MMP24: variants seen among roughly 807,000 people sequenced by gnomAD.
The protein encoded by MMP24 is matrix metalloproteinase-24.
Under a neutral mutation model 62.8 loss-of-function variants are expected in MMP24, and 25 were observed. The ratio of observed to expected loss-of-function variants is 0.40; its 90% CI spans 0.29 to 0.56. The LOEUF (loss-of-function observed/expected upper bound fraction) is 0.56, where lower values mean the gene tolerates loss of function less well. Among genes scored for constraint, MMP24 ranks in the 20% least tolerant of loss-of-function variants. The pLI is 0.50. For missense variants in MMP24, 634 were observed against 853.6 expected (o/e 0.74, Z 3.21); for synonymous variants, 319 against 350.5 (o/e 0.91, Z 1.00).
intron 4 of MMP24, chr20:35,255,931 G>GA (rs1202366708): frequency 1.3e-5 from 2 of 152,164 alleles, no homozygotes. Flanking sequence ...TCTAGCAGGG[G>GA]AGTTAGGTGT....
In MMP24 at chr20:35,236,843, G is replaced by A. The variant is rs188869054; in HGVS notation, c.246+9859G>A. Among the ~76,000 whole-genome samples, 86 of 151,956 alleles carry A rather than the reference G, an allele frequency of 5.7e-4. 1 individual carries two copies. Among genetic ancestry groups the A allele is most frequent in the African/African-American group, 1.8e-3 (74 of 41,456 alleles). On this transcript the variant is annotated intron_variant, in intron 1 of 8. Transcript: ENST00000246186. ...ACAAAAATTAGCCGGGCATGGTGGC[G>A]TGCACCTGTAATTCCAACTACTCGG...
At chr20:35,272,880 AAAG>A (rs1356608063) in intron 8 of MMP24, among the ~76,000 whole-genome samples, 1 of 152,224 alleles carries the variant, frequency 6.6e-6, no homozygotes. Context: ...TGTGAGGATT[AAAG>A]AAGACAAATT....
At chr20:35,257,026 C>T (rs2060578447) in intron 4 of MMP24, among the ~76,000 whole-genome samples, 1 of 152,120 alleles carries the variant, frequency 6.6e-6, no homozygotes, top group African/African-American at 2.4e-5. Context: ...TTTTTTCCTG[C>T]CCTGCGGCTG....
chr20:35,231,500 T>G (rs2060437227), intron 1 of MMP24, among the ~76,000 whole-genome samples: 1 of 152,244 alleles, frequency 6.6e-6, no homozygotes, highest in Admixed American at 6.5e-5. Flanking sequence ...TTACATAAGC[T>G]GGATCTAGTC....
chr20:35,267,314 G>C lies in MMP24; in HGVS notation c.1089G>C (p.Arg363=). The change falls in exon 6 of 9, where the codon CGG becomes CGC. Residue 363 remains arginine (R), a synonymous_variant. Transcript: ENST00000246186. The stretch of plus-strand genomic sequence containing the variant: ...ACGAGCGCCAGCCCAGGCCCCCTCG[G>C]CCGCCCCTCGGGGACCGGCCATCCA... ...RKHERQPRPP[R]PPLGDRPSTP... is the part of the protein sequence containing the mutation. 1.9e-6 allele frequency: 3 copies of C among 1,593,650 alleles called. No individual in the cohort carries two copies. Among genetic ancestry groups the C allele is most frequent in the Non-Finnish European group, 2.6e-6 (3 of 1,170,934 alleles).
At chr20:35,270,211 C>T (rs550765743) in intron 7 of MMP24, among the ~76,000 whole-genome samples, 1 of 152,160 alleles carries the variant, frequency 6.6e-6, no homozygotes, top group African/African-American at 2.4e-5. Flanking sequence ...GTCACTCAAG[C>T]TGGGGAGGTC....
chr20:35,264,707 C>CAAAAAAAA (rs57309455), intron 5 of MMP24, among the ~76,000 whole-genome samples: 408 of 43,606 alleles, frequency 9.4e-3, no homozygotes, highest in Non-Finnish European at 0.012. Flanking sequence ...GACTCCGTCT[C>CAAAAAAAA]AAAAAAAAAA....
intron 8 of MMP24, chr20:35,272,065 T>C (rs554091526): frequency 1.9e-4 from 115 of 592,022 alleles, no homozygotes; most frequent in Non-Finnish European, 3.0e-4. Context: ...GACGTTGTCA[T>C]AGACTGACTT....
chr20:35,244,294 C>T (rs1274340406), intron 1 of MMP24, among the ~76,000 whole-genome samples: 1 of 152,076 alleles, frequency 6.6e-6, no homozygotes. Flanking sequence ...TATCTAGATT[C>T]GAGCCCAGCA....
At chr20:35,252,467 CCATGGCTTAATTCAGTCTCCTTAT>C (rs1248990974) in intron 3 of MMP24, among the ~76,000 whole-genome samples, 4 of 152,158 alleles carry the variant, frequency 2.6e-5, no homozygotes, top group Non-Finnish European at 4.4e-5. Context: ...ACAAACAAAA[CCATGGCTTAATTCAGTCTCCTTAT>C]CACTGCCTGC....
chr20:35,266,789 G>A (rs368139652), intron 5 of MMP24, among the ~76,000 whole-genome samples: 3 of 152,264 alleles, frequency 2.0e-5, no homozygotes, highest in African/African-American at 7.2e-5. Flanking sequence ...TAAAGTCTGA[G>A]TCAAGTAACC....
chr20:35,276,331 G>T lies in MMP24; in HGVS notation c.*1722G>T. 1 of 399,066 alleles carries T rather than the reference G, an allele frequency of 2.5e-6. No individual in the cohort carries two copies. Among genetic ancestry groups the T allele is most frequent in the South Asian group, 1.3e-4 (1 of 7,828 alleles). 24.7% of individuals were successfully genotyped at this position (399,066 alleles called of 1,614,324 possible). A position where few individuals can be genotyped will look rare whatever the true frequency, so the allele number is the denominator to read the frequency against. ...AGGGAACAACTGCGGAGATATTAGTGATTCATAGGTTTGTACAGTGTTTTA... is the reference window on the plus strand; with the variant it reads ...AGGGAACAACTGCGGAGATATTAGTTATTCATAGGTTTGTACAGTGTTTTA... On this transcript the variant is annotated 3_prime_UTR_variant, in exon 9 of 9. Transcript: ENST00000246186.
chr20:35,238,986 GC>G, intron 1 of MMP24, among the ~76,000 whole-genome samples: 1 of 151,702 alleles, frequency 6.6e-6, no homozygotes, highest in Non-Finnish European at 1.5e-5. Flanking sequence ...GGATCTTCCT[GC>G]CACAGTCTCC....
intron 1 of MMP24, among the ~76,000 whole-genome samples, chr20:35,227,697 G>A (rs2060420794): frequency 6.6e-6 from 1 of 152,184 alleles, no homozygotes; most frequent in Admixed American, 6.5e-5. Context: ...AATAATGCCA[G>A]CTAGCATTTA....
chr20:35,250,961 C>A (rs1345551807), intron 2 of MMP24, among the ~76,000 whole-genome samples: 1 of 152,142 alleles, frequency 6.6e-6, no homozygotes, highest in African/African-American at 2.4e-5. Context: ...CACTGGGCTA[C>A]CTTCTTTTGA....
At chr20:35,254,167 C>T (rs2060563193) in intron 3 of MMP24, among the ~76,000 whole-genome samples, 1 of 152,194 alleles carries the variant, frequency 6.6e-6, no homozygotes, top group Non-Finnish European at 1.5e-5. Flanking sequence ...CTGCGCCCAG[C>T]CCCAATTTAC....
chr20:35,226,828 G>A lies in MMP24; in HGVS notation c.90G>A (p.Arg30=). The change falls in exon 1 of 9, where the codon CGG becomes CGA. Residue 30 remains arginine (R), a synonymous_variant. Coordinates refer to ENST00000246186, the MANE Select transcript of MMP24 (RefSeq NM_006690.4). ...AGGCCCCGCGCTGGAGCCGCTGGCG[G>A]GTCCCTGGGCGGCTGCTGCTGCTGC... The part of the protein sequence containing the change: ...PGQAPRWSRW[R]VPGRLLLLLL... 1.1e-6 allele frequency: 1 copy of A among 913,086 alleles called. No individual in the cohort carries two copies. The highest frequency in any genetic ancestry group is 1.3e-6 in the Non-Finnish European group (1 of 798,546). The allele number at this position is 913,086 out of a possible 1,614,324, so 56.6% of individuals were successfully genotyped here.
intron 1 of MMP24, among the ~76,000 whole-genome samples, chr20:35,240,173 C>A (rs2060482893): frequency 6.6e-6 from 1 of 152,132 alleles, no homozygotes; most frequent in African/African-American, 2.4e-5. Flanking sequence ...CTGCTGTCTC[C>A]CGCTCTCTTC....
Position 35,226,813 on chromosome 20 carries a change from C to G in MMP24, c.75C>G (p.Arg25=), listed in dbSNP as rs987006058. The change falls in exon 1 of 9, where the codon CGC becomes CGG. Residue 25 remains arginine, a synonymous_variant. Coordinates refer to ENST00000246186, the MANE Select transcript of MMP24 (RefSeq NM_006690.4). ...CGCCGCCGCCGGGCCAGGCCCCGCG[C>G]TGGAGCCGCTGGCGGGTCCCTGGGC... ...PPPPPPGQAP[R]WSRWRVPGRL... is the part of the protein sequence containing the mutation. 64 of 855,038 alleles carry G rather than the reference C, an allele frequency of 7.5e-5. No homozygotes were observed. Among genetic ancestry groups the G allele is most frequent in the Non-Finnish European group, 8.3e-5 (64 of 770,800 alleles). 53.0% of individuals were successfully genotyped at this position (855,038 alleles called of 1,614,324 possible).
Sources: gnomAD v4.1 joint callset for allele counts (sites outside exome capture counted in the v4.1 genomes callset) on GRCh38, gnomAD v4.1.1 for gene constraint, MANE v1.5 for transcripts, NCBI Gene and HGNC (gene_info 2026-07-23, HGNC 2026-07-21) for gene names.